KCNG2: variants seen among roughly 807,000 people sequenced by gnomAD.
KCNG2 encodes potassium voltage-gated channel modifier subfamily G member 2.
A neutral mutation model predicts 12.3 loss-of-function variants in KCNG2; 7 were observed. The ratio of observed to expected loss-of-function variants is 0.57; its 90% CI spans 0.32 to 1.07. KCNG2 has a LOEUF of 1.07. Among genes scored for constraint, KCNG2 ranks in the 50% least tolerant of loss-of-function variants. The pLI is 0.04. For synonymous variants in KCNG2, 414 were observed against 351.4 expected, an observed-to-expected ratio of 1.18 and a Z score of -1.99; for missense variants, 703 against 726.0, an observed-to-expected ratio of 0.97 and a Z score of 0.36.
intron 3 of KCNG2, among the ~76,000 whole-genome samples, chr18:79,874,589 G>A (rs1448910493): frequency 4.6e-5 from 7 of 152,248 alleles, no homozygotes; most frequent in Non-Finnish European, 8.8e-5. Flanking sequence ...CCCCAGAATT[G>A]ATTCTCTCCT....
chr18:79,815,840 G>A (rs559580803), intron 1 of KCNG2, among the ~76,000 whole-genome samples: 42 of 152,346 alleles, frequency 2.8e-4, no homozygotes, highest in African/African-American at 8.9e-4. Flanking sequence ...TGTGTGCCCC[G>A]ATGGCACCCA....
intron 1 of KCNG2, among the ~76,000 whole-genome samples, chr18:79,801,834 C>CA (rs999959060): frequency 6.6e-6 from 1 of 152,254 alleles, no homozygotes; most frequent in Non-Finnish European, 1.5e-5. Flanking sequence ...CCTGTGCCCC[C>CA]AGCAGGGTGC....
Position 79,803,806 on chromosome 18 carries a change from T to C in KCNG2, c.-115+5792T>C, listed in dbSNP as rs975405738. On this transcript the variant is annotated intron_variant, in intron 1 of 3. Transcript: ENST00000316249. The surrounding 1 kb of genome is among the most constrained non-coding windows in gnomAD (Gnocchi z 4.5). ...AGGTTCCAGGATGCCAGCAGGTGCC[T>C]GAGACTGGGCTGCCTCCAAGTTTCT... 6.6e-6 allele frequency among the ~76,000 whole-genome samples: 1 copy of C among 152,188 alleles called. No individual in the cohort carries two copies. Among genetic ancestry groups the C allele is most frequent in the African/African-American group, 2.4e-5 (1 of 41,458 alleles).
At chr18:79,868,585 T>C (rs945450702) in intron 3 of KCNG2, among the ~76,000 whole-genome samples, 2 of 152,250 alleles carry the variant, frequency 1.3e-5, no homozygotes, top group African/African-American at 4.8e-5. Flanking sequence ...AATTGGCGTG[T>C]TGGTGACGTA....
In KCNG2 at chr18:79,899,160, G is replaced by A. The variant is rs780887506; in HGVS notation, c.745G>A (p.Ala249Thr). ...CGAGAGCAAGTGCGCCTTCCTGCGC[G>A]CGCCACTCAACATCATTGACATCCT... ...QAESKCAFLR[A>T]PLNIIDILAL... The change falls in exon 4 of 4, where the codon GCG (alanine) becomes ACG (threonine). Residue 249 changes from alanine (A) to threonine (T), a missense_variant. Ala to Thr is a moderately conservative substitution (Grantham distance 58). Coordinates refer to ENST00000316249, the MANE Select transcript of KCNG2 (RefSeq NM_012283.2). The A allele has an allele frequency of 6.2e-6, 10 of 1,606,656 alleles. No individual in the cohort carries two copies. Among genetic ancestry groups the A allele is most frequent in the African/African-American group, 5.3e-5 (4 of 74,878 alleles).
intron 1 of KCNG2, among the ~76,000 whole-genome samples, chr18:79,852,852 G>C (rs897194358): frequency 6.6e-6 from 1 of 152,258 alleles, no homozygotes; most frequent in East Asian, 1.9e-4. Context: ...CTCCTGCCCA[G>C]TTCAGGGTTC....
At chr18:79,809,343 A>C (rs1253514161) in intron 1 of KCNG2, among the ~76,000 whole-genome samples, 81 of 58,214 alleles carry the variant, frequency 1.4e-3, no homozygotes, top group Admixed American at 2.9e-3. Flanking sequence ...GCTGCCGGGG[A>C]CACACTGACC....
chr18:79,813,467 T>C (rs2087506905), intron 1 of KCNG2, among the ~76,000 whole-genome samples: 1 of 152,208 alleles, frequency 6.6e-6, no homozygotes, highest in African/African-American at 2.4e-5. Flanking sequence ...CTCAATTTGA[T>C]AAAGAACATC....
intron 3 of KCNG2, among the ~76,000 whole-genome samples, chr18:79,898,552 G>A (rs1313829833): frequency 6.6e-6 from 1 of 152,232 alleles, no homozygotes; most frequent in East Asian, 1.9e-4. Context: ...AAGCCCTCCT[G>A]ACTGGGAGCT....
chr18:79,842,317 A>G (rs2123038427), intron 1 of KCNG2, among the ~76,000 whole-genome samples: 1 of 152,356 alleles, frequency 6.6e-6, no homozygotes, highest in Middle Eastern at 3.4e-3. Flanking sequence ...TTCATATGGA[A>G]GCACCCTTGC....
chr18:79,848,084 T>TG (rs1978684614), intron 1 of KCNG2, among the ~76,000 whole-genome samples: 1 of 152,074 alleles, frequency 6.6e-6, no homozygotes, highest in African/African-American at 2.4e-5. Flanking sequence ...ACAGCGAACT[T>TG]GCAGAGCTTC....
At position 79,850,975 on chromosome 18, in the gene KCNG2, G is replaced by C. The variant is rs547947937; in HGVS notation, c.-114-5404G>C. On this transcript the variant is annotated intron_variant, in intron 1 of 3. Transcript: ENST00000316249. ...CATCCGTGGAGTCTTCGTGTTACCA[G>C]AAAGGGGTCCCAATCCAGACCCCCA... is the stretch of plus-strand genomic sequence containing the variant. Among the ~76,000 whole-genome samples, 10 of 152,320 alleles carry C rather than the reference G, an allele frequency of 6.6e-5. 1 individual carries two copies. In the South Asian group the frequency reaches 2.1e-3, roughly 32 times the overall value.
intron 1 of KCNG2, among the ~76,000 whole-genome samples, chr18:79,843,116 T>TA (rs1978513475): frequency 6.6e-6 from 1 of 152,188 alleles, no homozygotes; most frequent in Non-Finnish European, 1.5e-5. Flanking sequence ...GAAATCCATT[T>TA]ATCACATATA....
At chr18:79,817,159 G>A (rs1050603763) in intron 1 of KCNG2, among the ~76,000 whole-genome samples, 7 of 151,462 alleles carry the variant, frequency 4.6e-5, no homozygotes, top group African/African-American at 1.7e-4. Flanking sequence ...TTACACGGCT[G>A]TCATACAGCT....
intron 1 of KCNG2, among the ~76,000 whole-genome samples, chr18:79,819,053 G>C (rs549776989): frequency 1.3e-5 from 2 of 152,318 alleles, no homozygotes; most frequent in Non-Finnish European, 1.5e-5. Context: ...AATAGCATCA[G>C]GAGATGAAAA....
chr18:79,835,659 C>G (rs1439829647), intron 1 of KCNG2, among the ~76,000 whole-genome samples: 1 of 152,148 alleles, frequency 6.6e-6, no homozygotes, highest in Non-Finnish European at 1.5e-5. Flanking sequence ...AATAGACTTT[C>G]CTTCTCCACG....
chr18:79,867,494 G>C (rs1399560143), intron 3 of KCNG2, among the ~76,000 whole-genome samples: 2 of 116,660 alleles, frequency 1.7e-5, no homozygotes, highest in East Asian at 2.9e-4. Flanking sequence ...CGTGTCTGGG[G>C]GGGGGATCGT....
chr18:79,810,038 C>A (rs773312327), intron 1 of KCNG2, among the ~76,000 whole-genome samples: 1 of 152,206 alleles, frequency 6.6e-6, no homozygotes. Flanking sequence ...CCGCCCATTG[C>A]GCTGGGCCTG....
chr18:79,821,709 C>T (rs2087571781), intron 1 of KCNG2, among the ~76,000 whole-genome samples: 1 of 152,142 alleles, frequency 6.6e-6, no homozygotes, highest in African/African-American at 2.4e-5. Context: ...ATTAAATGGT[C>T]CTGGCACTCT....
Sources: allele counts gnomAD v4.1 joint callset (sites outside exome capture counted in the v4.1 genomes callset), GRCh38; gene constraint gnomAD v4.1.1; non-coding constraint Gnocchi (gnomAD v3.1); transcripts MANE v1.5; gene names NCBI Gene and HGNC (gene_info 2026-07-23, HGNC 2026-07-21).